The following AUTS2 variants were observed in gnomAD, a reference collection of about 807,000 sequenced individuals.
AUTS2 encodes the protein activator of transcription and developmental regulator AUTS2.
AUTS2 carries 17 observed loss-of-function variants against 112.4 expected under a neutral mutation model. The ratio of observed to expected loss-of-function variants is 0.15; its 90% CI spans 0.10 to 0.23. The LOEUF (loss-of-function observed/expected upper bound fraction) is 0.23, where lower values mean the gene tolerates loss of function less well. AUTS2 is among the 10% of genes least tolerant of loss of function. The probability of loss-of-function intolerance (pLI) is 1.00; values close to 1 mark genes in which losing one functional copy is unlikely to be tolerated. For synonymous variants in AUTS2, 751 were observed against 702.7 expected, an observed-to-expected ratio of 1.07 and a Z score of -1.09; for missense variants, 1,510 against 1,701.6, an observed-to-expected ratio of 0.89 and a Z score of 1.98.
At chr7:70,154,524 C>A (rs956563214) in intron 4 of AUTS2, among the ~76,000 whole-genome samples, 5 of 152,042 alleles carry the variant, frequency 3.3e-5, no homozygotes, top group African/African-American at 1.2e-4. Flanking sequence ...GACAGGGAAA[C>A]AAGGTTAGTT....
chr7:70,783,175 C>T (rs1791204165), intron 15 of AUTS2: 1 of 152,222 alleles, frequency 6.6e-6, no homozygotes, highest in Non-Finnish European at 1.5e-5. Flanking sequence ...GCTTGCACTA[C>T]ACAGACAGTA....
intron 6 of AUTS2, among the ~76,000 whole-genome samples, chr7:70,754,080 G>C (rs1563173451): frequency 6.6e-6 from 1 of 152,174 alleles, no homozygotes; most frequent in Non-Finnish European, 1.5e-5. Context: ...AGAATGGCGT[G>C]AACCCAGGAA....
At chr7:69,756,426 A>G (rs557886582) in intron 1 of AUTS2, among the ~76,000 whole-genome samples, 9 of 152,238 alleles carry the variant, frequency 5.9e-5, no homozygotes, top group Non-Finnish European at 2.9e-5. Flanking sequence ...TGAAGTCAAT[A>G]GAAGGAAATG....
Position 70,633,695 on chromosome 7 carries a change from A to G in AUTS2, c.691-64874A>G, listed in dbSNP as rs530623782. 2.3e-3 allele frequency among the ~76,000 whole-genome samples: 342 copies of G among 151,756 alleles called. 1 individual carries two copies. Among genetic ancestry groups the G allele is most frequent in the African/African-American group, 7.9e-3 (328 of 41,364 alleles). On this transcript the variant is annotated intron_variant, in intron 5 of 18. Coordinates refer to ENST00000342771, the MANE Select transcript of AUTS2 (RefSeq NM_015570.4). ...AGGTCTAGATTTTTTAAAAGCTTGT[A>G]TATAGGATATTTGAGGGGACAGCTG...
At chr7:70,745,640 C>T (rs1788404297) in intron 6 of AUTS2, among the ~76,000 whole-genome samples, 1 of 152,198 alleles carries the variant, frequency 6.6e-6, no homozygotes, top group Non-Finnish European at 1.5e-5. Flanking sequence ...CTGGAGGCTT[C>T]TCCCACCTTT....
chr7:70,109,727 G>C (rs1242281282), intron 2 of AUTS2, among the ~76,000 whole-genome samples: 1 of 152,138 alleles, frequency 6.6e-6, no homozygotes, highest in Non-Finnish European at 1.5e-5. Flanking sequence ...GACTTAGAGA[G>C]TCTGCTCTAT....
At chr7:69,692,736 G>T (rs1797402290) in intron 1 of AUTS2, among the ~76,000 whole-genome samples, 1 of 152,184 alleles carries the variant, frequency 6.6e-6, no homozygotes, top group Non-Finnish European at 1.5e-5. Context: ...TGGTTTCTTT[G>T]TTCTCTTTTG....
At chr7:70,203,796 A>T (rs577496599) in intron 4 of AUTS2, among the ~76,000 whole-genome samples, 3 of 150,772 alleles carry the variant, frequency 2.0e-5, no homozygotes, top group Admixed American at 6.6e-5. Context: ...ATTCATTTGT[A>T]TCCCTTTGAT....
intron 1 of AUTS2, among the ~76,000 whole-genome samples, chr7:69,681,393 T>G (rs1194787962): frequency 2.6e-5 from 4 of 152,176 alleles, no homozygotes; most frequent in Non-Finnish European, 5.9e-5. Context: ...TGTTCCCCAG[T>G]CTTTTAAACA....
chr7:69,787,900 T>C (rs2129321878), intron 1 of AUTS2, among the ~76,000 whole-genome samples: 1 of 152,300 alleles, frequency 6.6e-6, no homozygotes. Context: ...GCACCAGTTT[T>C]ACCTACTTCC....
intron 2 of AUTS2, among the ~76,000 whole-genome samples, chr7:70,043,302 T>C (rs1409717957): frequency 6.6e-6 from 1 of 152,174 alleles, no homozygotes; most frequent in Non-Finnish European, 1.5e-5. Flanking sequence ...TTGTAAGACT[T>C]ATCTCTGTGA....
At chr7:70,097,058 C>A (rs546499718) in intron 2 of AUTS2, among the ~76,000 whole-genome samples, 2 of 152,308 alleles carry the variant, frequency 1.3e-5, no homozygotes, top group East Asian at 3.9e-4. Context: ...TCAATGACAC[C>A]TTGGCCAAGA....
chr7:70,162,370 C>T (rs1202704163), intron 4 of AUTS2, among the ~76,000 whole-genome samples: 10 of 136,508 alleles, frequency 7.3e-5, no homozygotes, highest in South Asian at 2.4e-4. Context: ...GGCATGAACC[C>T]GGGAGGCGGA....
intron 2 of AUTS2, among the ~76,000 whole-genome samples, chr7:69,975,218 A>C (rs537756863): frequency 6.6e-6 from 1 of 151,924 alleles, no homozygotes; most frequent in Non-Finnish European, 1.5e-5. Context: ...AGGGTTTCTC[A>C]TGAGACATCC....
At chr7:69,620,263 T>A (rs1187096644) in intron 1 of AUTS2, among the ~76,000 whole-genome samples, 6 of 152,186 alleles carry the variant, frequency 3.9e-5, no homozygotes. Context: ...TTTCTAGGGC[T>A]CTCTACTGGG....
chr7:70,115,562 A>G (rs1584744647), intron 2 of AUTS2, among the ~76,000 whole-genome samples: 1 of 152,230 alleles, frequency 6.6e-6, no homozygotes, highest in South Asian at 2.1e-4. Flanking sequence ...TTTAGAACAT[A>G]TTATGTGGAG....
intron 4 of AUTS2, among the ~76,000 whole-genome samples, chr7:70,266,390 G>C (rs1787424113): frequency 6.6e-6 from 1 of 152,112 alleles, no homozygotes. Context: ...TTGCTTAATG[G>C]GTATAGGGTT....
At chr7:70,721,129 A>G (rs554418885) in intron 6 of AUTS2, among the ~76,000 whole-genome samples, 1 of 152,000 alleles carries the variant, frequency 6.6e-6, no homozygotes, top group East Asian at 1.9e-4. Context: ...CCCCAAATAT[A>G]TGTCTTCTGC....
chr7:70,609,076 T>G (rs773569064), intron 5 of AUTS2, among the ~76,000 whole-genome samples: 2 of 152,210 alleles, frequency 1.3e-5, no homozygotes, highest in Non-Finnish European at 2.9e-5. Context: ...ATACTTGTTT[T>G]TTGTGATGAG....
Sources: allele counts gnomAD v4.1 joint callset (sites outside exome capture counted in the v4.1 genomes callset), GRCh38; gene constraint gnomAD v4.1.1; transcripts MANE v1.5; gene names NCBI Gene and HGNC (gene_info 2026-07-23, HGNC 2026-07-21).